Variants in PCDHGA7 observed in about 807,000 individuals in gnomAD.
The protein encoded by PCDHGA7 is protocadherin gamma-A7.
A neutral mutation model predicts 58.3 loss-of-function variants in PCDHGA7; 44 were observed. That is an observed-to-expected ratio of 0.75 (90% CI 0.59 to 0.97). The LOEUF is 0.97. PCDHGA7 is among the 50% of genes least tolerant of loss of function. The probability of loss-of-function intolerance (pLI) is 0.00; values close to 1 mark genes in which losing one functional copy is unlikely to be tolerated. For synonymous variants in PCDHGA7, 516 were observed against 504.2 expected (o/e 1.02, Z -0.31); for missense variants, 1,266 against 1,188.7 (o/e 1.06, Z -0.96).
rs750233767 is a variant in PCDHGA7 at position 141,490,877 on chromosome 5, C to A, written c.2425-3930C>A. 1 of 1,613,880 alleles carries A rather than the reference C, an allele frequency of 6.2e-7. No individual in the cohort carries two copies. Among genetic ancestry groups the A allele is most frequent in the Non-Finnish European group, 8.5e-7 (1 of 1,179,900 alleles). On this transcript the variant is annotated intron_variant, in intron 1 of 3. Coordinates refer to ENST00000518325, the MANE Select transcript of PCDHGA7 (RefSeq NM_018920.4). This position sits in a 1 kb window ranked among gnomAD's most constrained non-coding sequence, Gnocchi z 5.4. Reference sequence around the variant, plus strand: ...GACTCCGGCTCTCCCCCATTGCATGCCAACACATCTCTGCATGTGTTTGTC... The same window carrying A: ...GACTCCGGCTCTCCCCCATTGCATGACAACACATCTCTGCATGTGTTTGTC...
chr5:141,388,889 C>A, intron 1 of PCDHGA7: 2 of 1,613,954 alleles, frequency 1.2e-6, no homozygotes, highest in Non-Finnish European at 1.7e-6. Flanking sequence ...AGGTAGAAGT[C>A]ATAGATGAAA....
chr5:141,449,588 CAAAAAA>C (rs768743917), intron 1 of PCDHGA7, among the ~76,000 whole-genome samples: 1 of 57,492 alleles, frequency 1.7e-5, no homozygotes, highest in Admixed American at 1.8e-4. Flanking sequence ...GACTCTGTCT[CAAAAAA>C]AAAAAAAAAA....
intron 1 of PCDHGA7, chr5:141,409,747 C>T (rs771456718): frequency 1.2e-6 from 2 of 1,612,994 alleles, no homozygotes; most frequent in East Asian, 2.2e-5. Flanking sequence ...GGGTGGTGTT[C>T]GCGCAGCGCG....
chr5:141,416,699 T>C (rs1232694721), intron 1 of PCDHGA7: 1 of 152,092 alleles, frequency 6.6e-6, no homozygotes, highest in Non-Finnish European at 1.5e-5. Context: ...AAACAAAGGA[T>C]CATTGGAGGT....
Position 141,432,647 on chromosome 5 carries a change from C to G in PCDHGA7, c.2424+47324C>G, listed in dbSNP as rs747789886. The G allele has an allele frequency of 1.7e-5, 28 of 1,613,678 alleles. No individual in the cohort carries two copies. In the Admixed American group the frequency reaches 4.5e-4, roughly 26 times the overall value. ...GCACACGGGCGAGGTGCGCACGGCG[C>G]GAGCCCTGCTGGACAGAGACGCGCT... On this transcript the variant is annotated intron_variant, in intron 1 of 3. Coordinates refer to ENST00000518325, the MANE Select transcript of PCDHGA7 (RefSeq NM_018920.4). This position sits in a 1 kb window ranked among gnomAD's most constrained non-coding sequence, Gnocchi z 6.0.
intron 1 of PCDHGA7, among the ~76,000 whole-genome samples, chr5:141,401,929 G>C (rs2094209014): frequency 6.6e-6 from 1 of 152,122 alleles, no homozygotes; most frequent in Non-Finnish European, 1.5e-5. Context: ...GTGATGCTTA[G>C]AATAATGTTT....
At chr5:141,443,344 G>T (rs1016738767) in intron 1 of PCDHGA7, among the ~76,000 whole-genome samples, 2 of 151,966 alleles carry the variant, frequency 1.3e-5, no homozygotes, top group African/African-American at 2.4e-5. Context: ...AATTAACAAG[G>T]TTTAGTGGTC....
intron 1 of PCDHGA7, among the ~76,000 whole-genome samples, chr5:141,424,884 T>C (rs953145254): frequency 2.0e-5 from 3 of 152,186 alleles, no homozygotes; most frequent in Non-Finnish European, 4.4e-5. Flanking sequence ...AGGAGACTTA[T>C]CTAGGGTTTT....
At position 141,432,360 on chromosome 5, in the gene PCDHGA7, C is replaced by T; in HGVS notation, c.2424+47037C>T. On this transcript the variant is annotated intron_variant, in intron 1 of 3. Transcript: ENST00000518325. This position sits in a 1 kb window ranked among gnomAD's most constrained non-coding sequence, Gnocchi z 6.0. Reference sequence around the variant, plus strand: ...CGAGACTTGCAAGTGAAAGTGATGGCGCGGGACAACGGGCACCCGCCCCTC... The same window carrying T: ...CGAGACTTGCAAGTGAAAGTGATGGTGCGGGACAACGGGCACCCGCCCCTC... 1.9e-6 allele frequency: 3 copies of T among 1,614,228 alleles called. No individual in the cohort carries two copies. The highest frequency in any genetic ancestry group is 1.1e-5 in the South Asian group (1 of 91,088).
chr5:141,428,238 G>A lies in PCDHGA7; in HGVS notation c.2424+42915G>A, dbSNP rs775703660. On this transcript the variant is annotated intron_variant, in intron 1 of 3. Transcript: ENST00000518325. ...TAGTCTTCGCAGACAGCCTGCAGGA[G>A]GCACTGCCAGACTTCAGTGACAGTC... 1.0e-5 allele frequency: 10 copies of A among 998,180 alleles called. No individual in the cohort carries two copies. The South Asian group carries it at 1.3e-4, about 13-fold the overall frequency. The allele number at this position is 998,180 out of a possible 1,614,324, so 61.8% of individuals were successfully genotyped here. A position where few individuals can be genotyped will look rare whatever the true frequency, so the allele number is the denominator to read the frequency against.
intron 1 of PCDHGA7, chr5:141,411,396 C>G (rs985023346): frequency 2.1e-5 from 3 of 145,420 alleles, no homozygotes; most frequent in African/African-American, 5.1e-5. Context: ...ATAGGGAGAC[C>G]CCCCATCTCT....
chr5:141,465,142 T>TCCCTAA (rs2099097979), intron 1 of PCDHGA7, among the ~76,000 whole-genome samples: 3 of 151,990 alleles, frequency 2.0e-5, no homozygotes, highest in Non-Finnish European at 4.4e-5. Flanking sequence ...GTTTAGGGGA[T>TCCCTAA]ATATGAAGGG....
chr5:141,457,417 CTTTT>C (rs894846890), intron 1 of PCDHGA7, among the ~76,000 whole-genome samples: 4 of 152,180 alleles, frequency 2.6e-5, no homozygotes, highest in Admixed American at 2.6e-4. Context: ...TTACCCATCC[CTTTT>C]TCCCCCCCAC....
chr5:141,492,026 G>A, intron 1 of PCDHGA7: 1 of 567,198 alleles, frequency 1.8e-6, no homozygotes, highest in South Asian at 2.9e-5. Flanking sequence ...GGGGTCCCGG[G>A]AGGAGGCAGT....
chr5:141,472,980 C>CAAAAAAAAAAAAAAAAAAAAAAAAAAAA (rs60579131), intron 1 of PCDHGA7, among the ~76,000 whole-genome samples: 1 of 86,106 alleles, frequency 1.2e-5, no homozygotes, highest in Non-Finnish European at 2.5e-5. Flanking sequence ...GAGTGAAACT[C>CAAAAAAAAAAAAAAAAAAAAAAAAAAAA]AAAAAAAAAA....
chr5:141,431,674 G>A lies in PCDHGA7; in HGVS notation c.2424+46351G>A, dbSNP rs756385496. ...ATTCAGGGACAATATCAACAATAGG[G>A]GAGTTGGACCACGAGGAGTCAGGAT... On this transcript the variant is annotated intron_variant, in intron 1 of 3. Transcript: ENST00000518325. The surrounding 1 kb of genome is among the most constrained non-coding windows in gnomAD (Gnocchi z 4.8). 4 of 1,614,234 alleles carry A rather than the reference G, an allele frequency of 2.5e-6. No individual in the cohort carries two copies. The Admixed American group carries it at 6.7e-5, about 27-fold the overall frequency.
At position 141,494,824 on chromosome 5, in the gene PCDHGA7, G is replaced by C; in HGVS notation, c.2442G>C (p.Thr814=). 6.2e-7 allele frequency: 1 copy of C among 1,614,042 alleles called. No individual in the cohort carries two copies. Among genetic ancestry groups the C allele is most frequent in the East Asian group, 2.2e-5 (1 of 44,866 alleles). The change falls in exon 2 of 4, where the codon ACG becomes ACC. Residue 814 remains threonine, a synonymous_variant. Transcript: ENST00000518325. The part of the protein sequence containing the change: ...LPSIQQAPPN[T]DWRFSQAQRP... ...CTCCACAGCAAGCCCCGCCCAACAC[G>C]GACTGGCGTTTCTCTCAGGCCCAGA...
rs769300299 is a variant in PCDHGA7, at chr5:141,384,519, G to A, written c.1620G>A (p.Pro540=). The part of the protein sequence containing the change: ...LRVTAHDSGD[P]PLSSNMSLSL... The stretch of plus-strand genomic sequence containing the variant: ...TGACTGCACATGACAGCGGGGACCC[G>A]CCTCTCAGCAGCAACATGTCACTGA... Residue 540 remains proline, a synonymous_variant, in exon 1 of 4, where the codon CCG becomes CCA. Transcript: ENST00000518325. 1.9e-6 allele frequency: 3 copies of A among 1,614,220 alleles called. No homozygotes were observed. The highest frequency in any genetic ancestry group is 2.5e-6 in the Non-Finnish European group (3 of 1,180,032).
intron 1 of PCDHGA7, among the ~76,000 whole-genome samples, chr5:141,454,172 CAGCTAAAGG>C (rs1351117555): frequency 6.6e-6 from 1 of 152,126 alleles, no homozygotes; most frequent in Admixed American, 6.5e-5. Context: ...TCTAGAAGGG[CAGCTAAAGG>C]AGCTTAGTGA....
Sources: gnomAD v4.1 joint callset for allele counts (sites outside exome capture counted in the v4.1 genomes callset) on GRCh38, gnomAD v4.1.1 for gene constraint, Gnocchi (gnomAD v3.1) non-coding constraint, MANE v1.5 for transcripts, NCBI Gene and HGNC (gene_info 2026-07-23, HGNC 2026-07-21) for gene names.